Variants in AGBL1 observed in about 807,000 individuals in gnomAD.
The protein encoded by AGBL1 is AGBL carboxypeptidase 1.
AGBL1 carries 130 observed loss-of-function variants against 118.9 expected under a neutral mutation model. The ratio of observed to expected loss-of-function variants is 1.09; its 90% CI spans 0.95 to 1.26. AGBL1 has a LOEUF of 1.26. Among genes scored for constraint, AGBL1 ranks in the 50% most tolerant of loss-of-function variants. The pLI, the probability that AGBL1 is intolerant of heterozygous loss-of-function variation, is 0.00. For synonymous variants in AGBL1, 555 were observed against 478.9 expected (o/e 1.16, Z -2.08); for missense variants, 1,584 against 1,298.1 (o/e 1.22, Z -3.38).
In AGBL1 at chr15:86,734,904, T is replaced by C. The variant is rs1596419793; in HGVS notation, c.3158+60468T>C. On this transcript the variant is annotated intron_variant, in intron 22 of 22. Transcript: ENST00000614907. The stretch of plus-strand genomic sequence containing the variant: ...ATGTTGTAGAATTGTGAGGGAACAA[T>C]AAGGGAACAGGAGGGAAACCATAGT... 2.0e-5 allele frequency among the ~76,000 whole-genome samples: 3 copies of C among 152,042 alleles called. No individual in the cohort carries two copies. In the East Asian group the frequency reaches 5.8e-4, roughly 29 times the overall value.
chr15:86,416,515 C>T lies in AGBL1; in HGVS notation c.2555+18969C>T, dbSNP rs1487798849. On this transcript the variant is annotated intron_variant, in intron 18 of 22. Transcript: ENST00000614907. ...GAAACTCAGCCAGCAAGACTCCTTT[C>T]AGCAGTAATCAGGGCCATTGATGTC... 2.6e-5 allele frequency among the ~76,000 whole-genome samples: 4 copies of T among 152,218 alleles called. 1 individual carries two copies. Among genetic ancestry groups the T allele is most frequent in the Non-Finnish European group, 5.9e-5 (4 of 68,012 alleles).
At chr15:86,506,554 T>C (rs942683362) in intron 18 of AGBL1, among the ~76,000 whole-genome samples, 2 of 152,100 alleles carry the variant, frequency 1.3e-5, no homozygotes, top group Admixed American at 6.6e-5. Context: ...TCCAATAGCT[T>C]TTCAACAAAA....
intron 22 of AGBL1, among the ~76,000 whole-genome samples, chr15:86,709,675 C>G (rs753357863): frequency 6.6e-6 from 1 of 152,128 alleles, no homozygotes; most frequent in Non-Finnish European, 1.5e-5. Context: ...GGAATTGTGA[C>G]TAGAGTAGGT....
At chr15:86,785,671 G>A (rs904544313) in intron 22 of AGBL1, among the ~76,000 whole-genome samples, 2 of 152,072 alleles carry the variant, frequency 1.3e-5, no homozygotes, top group African/African-American at 4.8e-5. Context: ...CTCGGCCCGA[G>A]ATGTGCGTGT....
chr15:86,377,689 T>G (rs974914617), intron 17 of AGBL1, among the ~76,000 whole-genome samples: 3 of 152,182 alleles, frequency 2.0e-5, no homozygotes, highest in Non-Finnish European at 4.4e-5. Flanking sequence ...TAAGTTACCA[T>G]GTAGAGTAGG....
At chr15:86,452,821 C>T (rs1165314995) in intron 18 of AGBL1, among the ~76,000 whole-genome samples, 1 of 152,168 alleles carries the variant, frequency 6.6e-6, no homozygotes, top group Non-Finnish European at 1.5e-5. Context: ...TGTGACACTG[C>T]AGTGTCCCCG....
chr15:86,226,556 A>G (rs2078367351), intron 6 of AGBL1, among the ~76,000 whole-genome samples: 1 of 152,106 alleles, frequency 6.6e-6, no homozygotes, highest in Non-Finnish European at 1.5e-5. Flanking sequence ...GATGTGTAAA[A>G]CTCTGAAAGT....
In AGBL1 at chr15:86,613,124, GGCCATGGTTCTTAACC is replaced by G. The variant is rs1031437786; in HGVS notation, c.2994+58589_2994+58604del. Among the ~76,000 whole-genome samples, 16 of 152,332 alleles carry G rather than the reference GGCCATGGTTCTTAACC, an allele frequency of 1.1e-4. No individual in the cohort carries two copies. Among genetic ancestry groups the G allele is most frequent in the Admixed American group, 9.8e-4 (15 of 15,304 alleles). ...CAGGACCACCTGAGGCTGTGTTACA[GGCCATGGTTCTTAACC>G]GTGGCAAAATAAATCTCTAAATTGA... On this transcript the variant is annotated intron_variant, in intron 21 of 22. Coordinates refer to ENST00000614907, the MANE Select transcript of AGBL1 (RefSeq NM_001386094.1). This position sits in a 1 kb window ranked among gnomAD's most constrained non-coding sequence, Gnocchi z 4.2.
intron 1 of AGBL1, among the ~76,000 whole-genome samples, chr15:86,093,861 G>C (rs1046145099): frequency 6.6e-6 from 1 of 152,144 alleles, no homozygotes; most frequent in African/African-American, 2.4e-5. Context: ...AAGAGACAAT[G>C]AGAGAGAGCC....
intron 18 of AGBL1, among the ~76,000 whole-genome samples, chr15:86,454,423 G>C (rs56251445): frequency 0.34 from 51,293 of 151,916 alleles, 10,341 homozygotes; most frequent in Non-Finnish European, 0.46. Context: ...GTCTCCCCAA[G>C]AGCAATAAAA....
intron 9 of AGBL1, among the ~76,000 whole-genome samples, chr15:86,261,366 TG>T (rs755964121): frequency 6.6e-6 from 1 of 151,708 alleles, no homozygotes; most frequent in African/African-American, 2.4e-5. Flanking sequence ...AGCACAAGAG[TG>T]GGGGCCATGG....
chr15:86,183,173 G>A (rs1377291654), intron 5 of AGBL1, among the ~76,000 whole-genome samples: 3 of 152,156 alleles, frequency 2.0e-5, no homozygotes, highest in Admixed American at 6.5e-5. Flanking sequence ...CTATCAGAGA[G>A]TTCTAAATAT....
chr15:86,429,918 A>G (rs1476848336), intron 18 of AGBL1, among the ~76,000 whole-genome samples: 3 of 152,218 alleles, frequency 2.0e-5, no homozygotes, highest in African/African-American at 7.2e-5. Flanking sequence ...GAGTTCAGTC[A>G]GCTCTTTAGC....
intron 24 of AGBL1, among the ~76,000 whole-genome samples, chr15:87,013,188 A>C (rs997071935): frequency 6.6e-5 from 10 of 152,174 alleles, no homozygotes; most frequent in African/African-American, 2.4e-4. Context: ...TTATTTGCTT[A>C]CTTCATCCTC....
At chr15:86,569,864 C>T (rs2083976975) in intron 21 of AGBL1, among the ~76,000 whole-genome samples, 1 of 152,104 alleles carries the variant, frequency 6.6e-6, no homozygotes, top group Admixed American at 6.5e-5. Context: ...TTGGGATAAT[C>T]CTATGAGCCT....
chr15:86,838,827 C>T (rs1013094072), intron 22 of AGBL1, among the ~76,000 whole-genome samples: 2 of 150,020 alleles, frequency 1.3e-5, no homozygotes, highest in African/African-American at 2.4e-5. Flanking sequence ...GCCTGTGGTC[C>T]CAGCTACTCG....
At chr15:86,646,451 A>G (rs770392722) in intron 21 of AGBL1, among the ~76,000 whole-genome samples, 1 of 151,922 alleles carries the variant, frequency 6.6e-6, no homozygotes, top group African/African-American at 2.4e-5. Flanking sequence ...TTTGTTTTCA[A>G]TTTCTTTGTT....
intron 23 of AGBL1, among the ~76,000 whole-genome samples, chr15:86,938,192 G>T (rs992204083): frequency 1.3e-5 from 2 of 152,178 alleles, no homozygotes; most frequent in African/African-American, 4.8e-5. Context: ...GCCCATGGAA[G>T]TCTGCTGGGA....
At chr15:86,817,328 T>G (rs965325394) in intron 22 of AGBL1, among the ~76,000 whole-genome samples, 3 of 148,716 alleles carry the variant, frequency 2.0e-5, no homozygotes, top group Admixed American at 1.3e-4. Flanking sequence ...ACTTAAGGCA[T>G]GGGCCAAGCC....
Sources: gnomAD v4.1 joint callset for allele counts (sites outside exome capture counted in the v4.1 genomes callset) on GRCh38, gnomAD v4.1.1 for gene constraint, Gnocchi (gnomAD v3.1) non-coding constraint, MANE v1.5 for transcripts, NCBI Gene and HGNC (gene_info 2026-07-23, HGNC 2026-07-21) for gene names.